CHODL: variants seen among roughly 807,000 people sequenced by gnomAD.
The protein encoded by CHODL is transmembrane protein MT75.
A neutral mutation model predicts 34.5 loss-of-function variants in CHODL; 29 were observed. That is an observed-to-expected ratio of 0.84 (90% confidence interval 0.63 to 1.15). The LOEUF (loss-of-function observed/expected upper bound fraction) is 1.15. Ranked by LOEUF, CHODL falls within the 50% of genes most tolerant of loss-of-function variation. The pLI is 0.00. For synonymous variants in CHODL, 125 were observed against 116.1 expected (o/e 1.08, Z -0.49); for missense variants, 332 against 332.5 (o/e 1.00, Z 0.01).
intron 1 of CHODL, among the ~76,000 whole-genome samples, chr21:17,974,686 G>A (rs1457625791): frequency 6.6e-6 from 1 of 151,974 alleles, no homozygotes; most frequent in East Asian, 1.9e-4. Context: ...TGATTTTAAA[G>A]TCTTGAAATT....
intron 2 of CHODL, among the ~76,000 whole-genome samples, chr21:18,138,523 T>C (rs1568905901): frequency 6.6e-6 from 1 of 152,184 alleles, no homozygotes; most frequent in South Asian, 2.1e-4. Context: ...GAGATTCCTT[T>C]TATTTACAGA....
In CHODL at chr21:17,977,929, A is replaced by AAAAAAAAAG. The variant is rs1217900881; in HGVS notation, c.-144-49938_-144-49937insAAAGAAAAA. Among the ~76,000 whole-genome samples the AAAAAAAAAG allele has an allele frequency of 3.2e-3, 484 of 150,398 alleles. 7 individuals are homozygous for AAAAAAAAAG. The highest frequency in any genetic ancestry group is 6.1e-3 in the Non-Finnish European group (409 of 67,438). The stretch of plus-strand genomic sequence containing the variant: ...CAACACTCCCATCTCAAAAAAAAAA[A>AAAAAAAAAG]AAAAAGAAAAAGATACATGGAAGGT... On this transcript the variant is annotated intron_variant, in intron 1 of 6. Transcript: ENST00000400127.
intron 2 of CHODL, among the ~76,000 whole-genome samples, chr21:18,038,536 G>T (rs1252189072): frequency 2.0e-4 from 30 of 151,370 alleles, no homozygotes; most frequent in Admixed American, 2.0e-3. Flanking sequence ...TTATTTTTTT[G>T]CTTTCACTGT....
At chr21:17,948,535 TAAG>T (rs918582661) in intron 1 of CHODL, among the ~76,000 whole-genome samples, 3 of 151,190 alleles carry the variant, frequency 2.0e-5, no homozygotes, top group Non-Finnish European at 3.0e-5. Flanking sequence ...CTAGACTAAA[TAAG>T]AAAAAAAGAG....
intron 2 of CHODL, among the ~76,000 whole-genome samples, chr21:18,200,790 C>A (rs188363053): frequency 6.6e-6 from 1 of 152,152 alleles, no homozygotes; most frequent in Non-Finnish European, 1.5e-5. Flanking sequence ...GCCTTAAATC[C>A]GATGACTTGT....
chr21:18,255,164 T>A (rs995371619), intron 1 of CHODL, among the ~76,000 whole-genome samples: 1 of 152,050 alleles, frequency 6.6e-6, no homozygotes, highest in Non-Finnish European at 1.5e-5. Context: ...AAACTTCCCT[T>A]CCAAATTCAG....
At chr21:18,250,515 T>C (rs1054929742) in intron 1 of CHODL, among the ~76,000 whole-genome samples, 3 of 151,924 alleles carry the variant, frequency 2.0e-5, no homozygotes, top group Non-Finnish European at 2.9e-5. Context: ...TAGTGCACTA[T>C]GCAATTAAGT....
chr21:18,252,683 A>T (rs1207883083), intron 1 of CHODL, among the ~76,000 whole-genome samples: 2 of 152,150 alleles, frequency 1.3e-5, no homozygotes, highest in Non-Finnish European at 2.9e-5. Flanking sequence ...AAAATTGTGC[A>T]ATATATTTAT....
intron 1 of CHODL, among the ~76,000 whole-genome samples, chr21:17,924,903 A>G (rs562179828): frequency 6.6e-6 from 1 of 152,368 alleles, no homozygotes; most frequent in Admixed American, 6.5e-5. Context: ...AAAATGCTAC[A>G]TAAGAAGACA....
rs543818925 is a variant in CHODL, at chr21:18,094,674, C to G, written c.-45+66703C>G. Among the ~76,000 whole-genome samples, 77 of 147,086 alleles carry G rather than the reference C, an allele frequency of 5.2e-4. 1 individual carries two copies. In the South Asian group the frequency reaches 0.015, roughly 29 times the overall value. On this transcript the variant is annotated intron_variant, in intron 2 of 6. Coordinates refer to the CHODL transcript ENST00000400127. ...GTAACAAATTATAATGGAAACACAACATACCAAAACCTATGGGATACAGCA... is the reference window on the plus strand; with the variant it reads ...GTAACAAATTATAATGGAAACACAAGATACCAAAACCTATGGGATACAGCA...
At position 17,953,891 on chromosome 21, in the gene CHODL, T is replaced by TCCTAGCTACTCAG. The variant is rs1176751806; in HGVS notation, c.-145+36492_-145+36504dup. 2.6e-5 allele frequency among the ~76,000 whole-genome samples: 4 copies of TCCTAGCTACTCAG among 152,206 alleles called. No homozygotes were observed. In the East Asian group the frequency reaches 7.8e-4, roughly 30 times the overall value. On this transcript the variant is annotated intron_variant, in intron 1 of 6. Coordinates refer to the CHODL transcript ENST00000400127. ...TGGGTGTGGTGGTGCGTGCCTGTAATCCTAGCTACTCAGGAGGCTGAGGCA... is the reference window on the plus strand; with the variant it reads ...TGGGTGTGGTGGTGCGTGCCTGTAATCCTAGCTACTCAGCCTAGCTACTCAGGAGGCTGAGGCA...
intron 1 of CHODL, among the ~76,000 whole-genome samples, chr21:17,983,695 G>GT (rs942800976): frequency 4.6e-5 from 7 of 151,798 alleles, no homozygotes; most frequent in Admixed American, 1.3e-4. Flanking sequence ...AGCTTATTTT[G>GT]TTTGCCTGTT....
At chr21:18,209,534 T>C (rs2073750832) in intron 2 of CHODL, among the ~76,000 whole-genome samples, 1 of 152,110 alleles carries the variant, frequency 6.6e-6, no homozygotes, top group Non-Finnish European at 1.5e-5. Context: ...GCTGAGCTTG[T>C]ACCTAAGTTG....
chr21:17,936,133 T>A (rs1423754963), intron 1 of CHODL, among the ~76,000 whole-genome samples: 2 of 152,178 alleles, frequency 1.3e-5, no homozygotes, highest in Admixed American at 1.3e-4. Context: ...GTGGAACTTA[T>A]TAATGTAGCA....
intron 2 of CHODL, among the ~76,000 whole-genome samples, chr21:18,232,804 G>A (rs2073992052): frequency 6.6e-6 from 1 of 151,570 alleles, no homozygotes; most frequent in Admixed American, 6.6e-5. Context: ...TACTAGTTCT[G>A]TAGCACAGCA....
chr21:18,141,331 G>A (rs1035430684), intron 2 of CHODL, among the ~76,000 whole-genome samples: 2 of 151,906 alleles, frequency 1.3e-5, no homozygotes, highest in East Asian at 3.9e-4. Context: ...TAACAATGGG[G>A]AGTAAAATTA....
intron 2 of CHODL, among the ~76,000 whole-genome samples, chr21:18,067,305 T>C (rs1000699234): frequency 6.6e-6 from 1 of 152,218 alleles, no homozygotes; most frequent in African/African-American, 2.4e-5. Context: ...AATAGGATCA[T>C]TGCAGATGTA....
At chr21:18,184,458 A>G (rs928970800) in intron 2 of CHODL, among the ~76,000 whole-genome samples, 3 of 152,242 alleles carry the variant, frequency 2.0e-5, no homozygotes, top group Admixed American at 1.3e-4. Flanking sequence ...AAATGATGAT[A>G]GGAATAAGCA....
chr21:18,244,697 G>A (rs1482959060), upstream of CHODL: 1 of 152,540 alleles, frequency 6.6e-6, no homozygotes, highest in African/African-American at 2.4e-5. Context: ...GTTTTCAAAG[G>A]GGCTCCCGTG....
Sources: gnomAD v4.1 joint callset for allele counts (sites outside exome capture counted in the v4.1 genomes callset) on GRCh38, gnomAD v4.1.1 for gene constraint, MANE v1.5 for transcripts, NCBI Gene and HGNC (gene_info 2026-07-23, HGNC 2026-07-21) for gene names.